The following GDAP1 variants were observed in gnomAD, a reference collection of about 807,000 sequenced individuals.
GDAP1 encodes ganglioside induced differentiation associated protein 1, also known as ganglioside-induced differentiation-associated protein 1.
GDAP1 carries 34 observed loss-of-function variants against 40.1 expected under a neutral mutation model. The ratio of observed to expected loss-of-function variants is 0.85; its 90% CI spans 0.64 to 1.13. The LOEUF (loss-of-function observed/expected upper bound fraction) is 1.13. Ranked by LOEUF, GDAP1 falls within the 50% of genes most tolerant of loss-of-function variation. The pLI is 0.00. For synonymous variants in GDAP1, 170 were observed against 157.4 expected (o/e 1.08, Z -0.60); for missense variants, 374 against 433.7 (o/e 0.86, Z 1.22).
rs527373758 is a variant in GDAP1, at chr8:74,376,182, C to T, written c.165+24861C>T. Among the ~76,000 whole-genome samples the T allele has an allele frequency of 8.5e-5, 13 of 152,190 alleles. No homozygotes were observed. In the South Asian group the frequency reaches 1.2e-3, roughly 15 times the overall value. On this transcript the variant is annotated intron_variant, in intron 2 of 2. Coordinates refer to the GDAP1 transcript ENST00000523640. ...TAATATTGTTAAGAAGTCCATTCTC[C>T]GCAAATGTATCTGTAGATTGAATGA... is the stretch of plus-strand genomic sequence containing the variant.
chr8:74,383,249 T>C lies in GDAP1; in HGVS notation c.165+31928T>C, dbSNP rs180760912. On this transcript the variant is annotated intron_variant, in intron 2 of 2. Transcript: ENST00000523640. ...GGTTGGGGGAAATCTTAATTCAAAT[T>C]AGCTTGCTTTGCAAAATTTCACCTG... 4.9e-4 allele frequency among the ~76,000 whole-genome samples: 75 copies of C among 152,336 alleles called. 1 individual carries two copies. The highest frequency in any genetic ancestry group is 2.8e-3 in the Admixed American group (43 of 15,308).
chr8:74,440,899 A>T (rs945648078), intron 2 of GDAP1, among the ~76,000 whole-genome samples: 5 of 152,150 alleles, frequency 3.3e-5, no homozygotes, highest in Non-Finnish European at 7.4e-5. Context: ...CACGTAACTA[A>T]CAATTGTTGT....
At chr8:74,422,352 C>CCCTTCCTTCCTT (rs56384829) in intron 2 of GDAP1, among the ~76,000 whole-genome samples, 110 of 34,208 alleles carry the variant, frequency 3.2e-3, no homozygotes, top group Middle Eastern at 0.021. Context: ...TTTCTTTCTT[C>CCCTTCCTTCCTT]CCTTCCTTCC....
chr8:74,474,115 A>C (rs1806595881), intron 2 of GDAP1, among the ~76,000 whole-genome samples: 2 of 152,256 alleles, frequency 1.3e-5, no homozygotes, highest in Non-Finnish European at 2.9e-5. Context: ...TTAGCTAGGA[A>C]TGCTAGTGAT....
downstream of GDAP1, among the ~76,000 whole-genome samples, chr8:74,369,235 G>T (rs1341662832): frequency 1.3e-5 from 2 of 152,110 alleles, no homozygotes; most frequent in African/African-American, 4.8e-5. Context: ...ACAATGTCCA[G>T]GACACAGTAG....
At chr8:74,373,164 G>A (rs909376771) in intron 2 of GDAP1, among the ~76,000 whole-genome samples, 1 of 152,128 alleles carries the variant, frequency 6.6e-6, no homozygotes, top group Admixed American at 6.6e-5. Context: ...CTGTAGCCTT[G>A]TAGTATAGTT....
chr8:74,397,395 C>T (rs1282258642), intron 2 of GDAP1, among the ~76,000 whole-genome samples: 8 of 151,940 alleles, frequency 5.3e-5, no homozygotes, highest in Admixed American at 6.6e-5. Context: ...CTTTTGTTGC[C>T]GTTGCTTTTG....
At chr8:74,486,440 C>T (rs1330995765) in intron 2 of GDAP1, among the ~76,000 whole-genome samples, 3 of 152,152 alleles carry the variant, frequency 2.0e-5, no homozygotes, top group Admixed American at 1.3e-4. Flanking sequence ...TCTGTGTGGT[C>T]AGAATCTTAT....
At chr8:74,400,896 C>T (rs1272199478) in intron 2 of GDAP1, among the ~76,000 whole-genome samples, 1 of 149,648 alleles carries the variant, frequency 6.7e-6, no homozygotes, top group Non-Finnish European at 1.5e-5. Flanking sequence ...TCTCTTCTGG[C>T]TTATAGGGTT....
downstream of GDAP1, among the ~76,000 whole-genome samples, chr8:74,370,791 G>A (rs1192645094): frequency 6.6e-6 from 1 of 152,190 alleles, no homozygotes; most frequent in Non-Finnish European, 1.5e-5. Context: ...AGTATGGAAA[G>A]CGATATACCA....
chr8:74,386,335 G>A (rs1810024608), intron 2 of GDAP1, among the ~76,000 whole-genome samples: 2 of 152,172 alleles, frequency 1.3e-5, no homozygotes, highest in Non-Finnish European at 2.9e-5. Context: ...TTATGTTTAA[G>A]TCCTTAATCT....
rs1377653565 is a variant in GDAP1, at chr8:74,402,043, TC to T, written c.165+50723del. The stretch of plus-strand genomic sequence containing the variant: ...AGGAGGCAGTCTGCCCGTTCTCAGA[TC>T]TCCAGCTGCGTGCTGGGAGAACCAC... On this transcript the variant is annotated intron_variant, in intron 2 of 2. Coordinates refer to the GDAP1 transcript ENST00000523640. Among the ~76,000 whole-genome samples, 10 of 150,202 alleles carry T rather than the reference TC, an allele frequency of 6.7e-5. 1 individual carries two copies. The highest frequency in any genetic ancestry group is 2.6e-4 in the Admixed American group (4 of 15,256).
At chr8:74,356,350 G>C (rs1358341746) in intron 2 of GDAP1, among the ~76,000 whole-genome samples, 1 of 152,086 alleles carries the variant, frequency 6.6e-6, no homozygotes, top group Non-Finnish European at 1.5e-5. Flanking sequence ...TCTGATAAAG[G>C]AATTTTTGCT....
intron 2 of GDAP1, among the ~76,000 whole-genome samples, chr8:74,396,338 TCTTC>T (rs1432687074): frequency 2.0e-5 from 3 of 151,632 alleles, no homozygotes; most frequent in South Asian, 2.1e-4. Flanking sequence ...TTTTTACAGT[TCTTC>T]CTTCCTTTTA....
chr8:74,369,150 C>T (rs73347216), downstream of GDAP1, among the ~76,000 whole-genome samples: 137 of 152,272 alleles, frequency 9.0e-4, no homozygotes, highest in African/African-American at 3.2e-3. Context: ...AGTAACTGCA[C>T]TGCCTACTAG....
chr8:74,376,650 G>C (rs1809858910), intron 2 of GDAP1: 2 of 144,122 alleles, frequency 1.4e-5, no homozygotes, highest in African/African-American at 5.0e-5. Flanking sequence ...CACCCAGCCA[G>C]AGGGACTTTC....
chr8:74,390,422 C>A (rs954529298), intron 2 of GDAP1, among the ~76,000 whole-genome samples: 4 of 152,146 alleles, frequency 2.6e-5, no homozygotes, highest in African/African-American at 9.7e-5. Flanking sequence ...AGTTTTTCTT[C>A]TAACAGTCAG....
chr8:74,360,444 G>A, intron 3 of GDAP1, 134 bp downstream of exon 3: 1 of 774,518 alleles, frequency 1.3e-6, no homozygotes, highest in Non-Finnish European at 2.3e-6. Context: ...GGATGTGCAT[G>A]TTATGGATCG....
chr8:74,483,103 T>C (rs1806732697), intron 2 of GDAP1, among the ~76,000 whole-genome samples: 1 of 152,168 alleles, frequency 6.6e-6, no homozygotes, highest in East Asian at 1.9e-4. Flanking sequence ...AATAAATGAA[T>C]GAGACCATAG....
Sources: allele counts gnomAD v4.1 joint callset (sites outside exome capture counted in the v4.1 genomes callset), GRCh38; gene constraint gnomAD v4.1.1; transcripts MANE v1.5; gene names NCBI Gene and HGNC (gene_info 2026-07-23, HGNC 2026-07-21).